UTRN: variants seen among roughly 807,000 people sequenced by gnomAD.
The protein encoded by UTRN is utrophin.
A neutral mutation model predicts 463.9 loss-of-function variants in UTRN; 283 were observed. The ratio of observed to expected loss-of-function variants is 0.61; its 90% confidence interval spans 0.55 to 0.67. The LOEUF (loss-of-function observed/expected upper bound fraction) is 0.67, where lower values mean the gene tolerates loss of function less well. UTRN is among the 30% of genes least tolerant of loss of function. The pLI is 0.00. For missense variants in UTRN, 3,922 were observed against 4,084.3 expected (o/e 0.96, Z 1.08); for synonymous variants, 1,442 against 1,431.5 (o/e 1.01, Z -0.17).
At position 144,296,562 on chromosome 6, in the gene UTRN, C is replaced by A. The variant is rs573361579; in HGVS notation, c.79+4655C>A. On this transcript the variant is annotated intron_variant, in intron 2 of 74. Coordinates refer to ENST00000367545, the MANE Select transcript of UTRN (RefSeq NM_007124.3). Reference sequence around the variant, plus strand: ...ATAAATGTTTATTCAATGATAAAGGCTACAGAGTCTGGAAGTGCCAGAGCT... The same window carrying A: ...ATAAATGTTTATTCAATGATAAAGGATACAGAGTCTGGAAGTGCCAGAGCT... 1.4e-4 allele frequency among the ~76,000 whole-genome samples: 21 copies of A among 152,312 alleles called. 1 individual carries two copies. In the South Asian group the frequency reaches 3.3e-3, roughly 24 times the overall value.
chr6:144,395,917 A>G (rs962069215), intron 2 of UTRN, among the ~76,000 whole-genome samples: 5 of 152,178 alleles, frequency 3.3e-5, no homozygotes, highest in Non-Finnish European at 7.4e-5. Flanking sequence ...TGGAACTCTC[A>G]TGCATTATGG....
chr6:144,452,885 T>C (rs1584848698), intron 18 of UTRN, among the ~76,000 whole-genome samples: 1 of 147,898 alleles, frequency 6.8e-6, no homozygotes, highest in Non-Finnish European at 1.5e-5. Flanking sequence ...GAGGCTGCAG[T>C]GAGCCATGAT....
intron 69 of UTRN, among the ~76,000 whole-genome samples, chr6:144,832,298 T>C (rs905426791): frequency 5.9e-5 from 9 of 152,214 alleles, no homozygotes; most frequent in African/African-American, 1.9e-4. Flanking sequence ...TATAAATGAT[T>C]GTTAAATTCT....
At position 144,751,823 on chromosome 6, in the gene UTRN, T is replaced by C. The variant is rs1218777788; in HGVS notation, c.8226T>C (p.Ile2742=). The C allele has an allele frequency of 6.2e-7, 1 of 1,607,244 alleles. No homozygotes were observed. The highest frequency in any genetic ancestry group is 1.1e-5 in the South Asian group (1 of 89,602). The part of the protein sequence containing the change: ...IEKIMAFREE[I]APINFKVKTV... ...TCTTCTAGGCATTTAGAGAAGAAAT[T>C]GCACCAATCAACTTTAAAGTTAAAA... Residue 2742 remains isoleucine, a synonymous_variant, in exon 56 of 75, where the codon ATT becomes ATC. Coordinates refer to ENST00000367545, the MANE Select transcript of UTRN (RefSeq NM_007124.3).
chr6:144,336,403 C>T (rs1466410538), intron 2 of UTRN, among the ~76,000 whole-genome samples: 1 of 152,176 alleles, frequency 6.6e-6, no homozygotes, highest in African/African-American at 2.4e-5. Context: ...GAGATTGTGA[C>T]TGTAGGTGAC....
At chr6:144,502,606 A>T (rs1794302034) in intron 34 of UTRN, among the ~76,000 whole-genome samples, 1 of 152,164 alleles carries the variant, frequency 6.6e-6, no homozygotes, top group African/African-American at 2.4e-5. Flanking sequence ...TTTAATAGCT[A>T]CATAGTATTC....
chr6:144,723,817 C>T (rs943524103), intron 53 of UTRN, among the ~76,000 whole-genome samples: 2 of 151,654 alleles, frequency 1.3e-5, no homozygotes, highest in Non-Finnish European at 2.9e-5. Flanking sequence ...CCCTGGGCAA[C>T]ATGGTGAAAC....
intron 52 of UTRN, among the ~76,000 whole-genome samples, chr6:144,695,719 C>G (rs571489349): frequency 6.6e-6 from 1 of 152,310 alleles, no homozygotes; most frequent in East Asian, 1.9e-4. Flanking sequence ...TGATAAATTT[C>G]ACTTCAATCT....
chr6:144,747,026 TTAAA>T (rs1346954313), intron 54 of UTRN, among the ~76,000 whole-genome samples: 1 of 152,330 alleles, frequency 6.6e-6, no homozygotes, highest in South Asian at 2.1e-4. Flanking sequence ...TATATAATAT[TTAAA>T]TAAAGCAGGC....
chr6:144,808,291 T>C (rs1010486129), intron 65 of UTRN, among the ~76,000 whole-genome samples: 5 of 150,566 alleles, frequency 3.3e-5, no homozygotes, highest in African/African-American at 1.2e-4. Context: ...TTTTTTTTTG[T>C]ATTATCCATG....
chr6:144,294,835 T>C (rs563492778), intron 2 of UTRN, among the ~76,000 whole-genome samples: 2 of 152,364 alleles, frequency 1.3e-5, no homozygotes, highest in Non-Finnish European at 2.9e-5. Context: ...TTCTACCATC[T>C]AAACAGAAAT....
intron 51 of UTRN, among the ~76,000 whole-genome samples, chr6:144,661,808 G>T (rs1242000957): frequency 6.6e-6 from 1 of 152,090 alleles, no homozygotes; most frequent in Non-Finnish European, 1.5e-5. Flanking sequence ...AGATACCAGG[G>T]GTTCCTAACC....
intron 53 of UTRN, among the ~76,000 whole-genome samples, chr6:144,704,995 TTCA>T (rs1290798321): frequency 1.3e-5 from 2 of 152,036 alleles, no homozygotes; most frequent in Admixed American, 6.6e-5. Context: ...ACATGAATTC[TTCA>T]TATTTTCTTT....
intron 61 of UTRN, among the ~76,000 whole-genome samples, chr6:144,782,626 G>GTGTA (rs1554391661): frequency 7.3e-6 from 1 of 136,594 alleles, no homozygotes; most frequent in Non-Finnish European, 1.5e-5. Context: ...ATGTGTGTGT[G>GTGTA]TATATATATA....
At chr6:144,494,917 G>T (rs995794051) in intron 33 of UTRN, among the ~76,000 whole-genome samples, 1 of 152,068 alleles carries the variant, frequency 6.6e-6, no homozygotes, top group Non-Finnish European at 1.5e-5. Context: ...GCTAGATACA[G>T]AGTGTGGATT....
intron 60 of UTRN, among the ~76,000 whole-genome samples, chr6:144,775,786 C>T (rs1775270871): frequency 6.6e-6 from 1 of 152,122 alleles, no homozygotes; most frequent in South Asian, 2.1e-4. Flanking sequence ...TCCCAGTTTT[C>T]GACAACACTT....
chr6:144,617,722 T>C (rs1368740870), intron 51 of UTRN, among the ~76,000 whole-genome samples: 1 of 152,156 alleles, frequency 6.6e-6, no homozygotes, highest in Admixed American at 6.6e-5. Flanking sequence ...TTTTCAGCTC[T>C]TCGTAAATGT....
In UTRN at chr6:144,852,124, C is replaced by G. The variant is rs62427257; in HGVS notation, c.*1127C>G. On this transcript the variant is annotated 3_prime_UTR_variant, in exon 75 of 75. Coordinates refer to ENST00000367545, the MANE Select transcript of UTRN (RefSeq NM_007124.3). ...TTAGTGCACGGCTTATTTTACCTTT[C>G]GGGTGAAAGATCAGATGTTTTTATA... 9.2e-5 allele frequency: 14 copies of G among 152,090 alleles called. No homozygotes were observed. The highest frequency in any genetic ancestry group is 1.9e-4 in the Non-Finnish European group (13 of 68,002). The allele number at this position is 152,090 out of a possible 1,614,324, so 9.4% of individuals were successfully genotyped here.
At chr6:144,412,394 A>G (rs1783976688) in intron 3 of UTRN, among the ~76,000 whole-genome samples, 1 of 152,196 alleles carries the variant, frequency 6.6e-6, no homozygotes, top group Admixed American at 6.5e-5. Context: ...CATAGTGCTT[A>G]CTGATGCATT....
Sources: allele counts gnomAD v4.1 joint callset (sites outside exome capture counted in the v4.1 genomes callset), GRCh38; gene constraint gnomAD v4.1.1; transcripts MANE v1.5; gene names NCBI Gene and HGNC (gene_info 2026-07-23, HGNC 2026-07-21).